Variants in SCIN observed in about 807,000 individuals in gnomAD.
The protein encoded by SCIN is scinderin, also known as adseverin.
Under a neutral mutation model 91.8 loss-of-function variants are expected in SCIN, and 91 were observed. The observed-to-expected ratio is 0.99, with a 90% CI of 0.84 to 1.18. The LOEUF (loss-of-function observed/expected upper bound fraction) is 1.18, where lower values mean the gene tolerates loss of function less well. Ranked by LOEUF, SCIN falls within the 50% of genes most tolerant of loss-of-function variation. SCIN has a pLI of 0.00. For missense variants in SCIN, 1,087 were observed against 863.9 expected, an observed-to-expected ratio of 1.26 and a Z score of -3.24; for synonymous variants, 367 against 312.6, an observed-to-expected ratio of 1.17 and a Z score of -1.84.
chr7:12,626,703 A>T lies in SCIN; in HGVS notation c.1101A>T (p.Gln367His), dbSNP rs764170146. The change falls in exon 8 of 16, where the codon CAA becomes CAT. Residue 367 changes from glutamine (Q) to histidine (H), a missense_variant. Coordinates refer to ENST00000297029, the MANE Select transcript of SCIN (RefSeq NM_001112706.3). ...TTTATGTCACAGAGAAAGTGGCTCA[A>T]ATAAAACAAATTCCCTTTGATGCCT... ...GKVYVTEKVA[Q>H]IKQIPFDASK... 4 of 1,597,520 alleles carry T rather than the reference A, an allele frequency of 2.5e-6. No individual in the cohort carries two copies. The highest frequency in any genetic ancestry group is 1.1e-5 in the South Asian group (1 of 87,998).
At chr7:12,628,779 TC>T (rs1783583609) in intron 8 of SCIN, among the ~76,000 whole-genome samples, 1 of 152,136 alleles carries the variant, frequency 6.6e-6, no homozygotes, top group African/African-American at 2.4e-5. Flanking sequence ...GATATATATT[TC>T]TGAGCTGAAT....
chr7:12,571,630 GAA>G, intron 1 of SCIN: 1 of 454,096 alleles, frequency 2.2e-6, no homozygotes. Flanking sequence ...ATAGAAGTAA[GAA>G]AAAAATACAG....
chr7:12,645,706 C>T (rs959321920), intron 13 of SCIN, among the ~76,000 whole-genome samples: 2 of 152,124 alleles, frequency 1.3e-5, no homozygotes, highest in African/African-American at 2.4e-5. Context: ...CGTGTGTTCT[C>T]ATCATTTAGG....
In SCIN at chr7:12,658,570, A is replaced by G. The variant is rs1203538996; in HGVS notation, c.*5855A>G. On this transcript the variant is annotated 3_prime_UTR_variant, in exon 16 of 16. Coordinates refer to ENST00000297029, the MANE Select transcript of SCIN (RefSeq NM_001112706.3). ...TTTATGGCAGAGTTCAGAGGATACA[A>G]TGAAACAAGAAAGGGAGGCAACTGA... 1 of 152,164 alleles carries G rather than the reference A, an allele frequency of 6.6e-6. No homozygotes were observed. Among genetic ancestry groups the G allele is most frequent in the South Asian group, 2.1e-4 (1 of 4,826 alleles). The allele number at this position is 152,164 out of a possible 1,614,324, so 9.4% of individuals were successfully genotyped here. A position where few individuals can be genotyped will look rare whatever the true frequency, so the allele number is the denominator to read the frequency against.
intron 3 of SCIN, 63 bp downstream of exon 3, chr7:12,581,284 A>G: frequency 1.4e-6 from 2 of 1,473,000 alleles, no homozygotes; most frequent in Non-Finnish European, 1.8e-6. Context: ...ATCAAATCAT[A>G]TGTACATGTC....
intron 13 of SCIN, among the ~76,000 whole-genome samples, chr7:12,645,373 C>T (rs1009170720): frequency 4.6e-5 from 7 of 152,090 alleles, no homozygotes; most frequent in Non-Finnish European, 7.4e-5. Context: ...AACCTAACAA[C>T]GCCGGGAAGG....
chr7:12,612,033 A>G (rs993054716), intron 4 of SCIN, among the ~76,000 whole-genome samples: 3 of 151,664 alleles, frequency 2.0e-5, no homozygotes, highest in African/African-American at 7.3e-5. Flanking sequence ...TTTTCATTCT[A>G]GTCGAAACTC....
Position 12,636,095 on chromosome 7 carries a change from C to G in SCIN, c.1370C>G (p.Thr457Ser). The G allele has an allele frequency of 6.2e-7, 1 of 1,613,214 alleles. No homozygotes were observed. The stretch of plus-strand genomic sequence containing the variant: ...GAGCTGACAACATCTGCGTTCCTGA[C>G]TGTTCAGTTGGATCGGTCCCTTGGA... ...RDELTTSAFL[T>S]VQLDRSLGGQ... The change falls in exon 10 of 16, where the codon ACT (threonine) becomes AGT (serine). Residue 457 changes from threonine to serine, a missense_variant. Coordinates refer to ENST00000297029, the MANE Select transcript of SCIN (RefSeq NM_001112706.3).
At chr7:12,601,776 T>G (rs1782963360) in intron 3 of SCIN, among the ~76,000 whole-genome samples, 2 of 152,238 alleles carry the variant, frequency 1.3e-5, no homozygotes, top group Non-Finnish European at 2.9e-5. Context: ...GAGCCAGAGC[T>G]TGTGTTTTTG....
intron 4 of SCIN, among the ~76,000 whole-genome samples, chr7:12,617,743 G>A (rs1783328398): frequency 6.6e-6 from 1 of 152,082 alleles, no homozygotes; most frequent in Non-Finnish European, 1.5e-5. Flanking sequence ...CACCAAAGCA[G>A]GCCTAGAAGG....
At position 12,625,077 on chromosome 7, in the gene SCIN, T is replaced by G; in HGVS notation, c.827T>G (p.Met276Arg). 1 of 1,603,572 alleles carries G rather than the reference T, an allele frequency of 6.2e-7. No individual in the cohort carries two copies. Among genetic ancestry groups the G allele is most frequent in the East Asian group, 2.2e-5 (1 of 44,562 alleles). ...VAEENPFSMA[M>R]LLSEECFILD... is the part of the protein sequence containing the mutation. ...GAAGAAAACCCCTTCTCAATGGCAATGCTGCTGTCTGAAGAATGCTTTATT... is the reference window on the plus strand; with the variant it reads ...GAAGAAAACCCCTTCTCAATGGCAAGGCTGCTGTCTGAAGAATGCTTTATT... The change falls in exon 6 of 16, where the codon ATG (methionine) becomes AGG (arginine). Residue 276 changes from methionine (M) to arginine (R), a missense_variant. By Grantham distance (91) the Met-to-Arg change is moderately conservative. Coordinates refer to ENST00000297029, the MANE Select transcript of SCIN (RefSeq NM_001112706.3).
intron 4 of SCIN, among the ~76,000 whole-genome samples, chr7:12,619,586 C>T (rs566142919): frequency 6.6e-6 from 1 of 152,170 alleles, no homozygotes; most frequent in South Asian, 2.1e-4. Context: ...GGTCTTGAGA[C>T]AGGTCATGAG....
chr7:12,629,551 T>A (rs1783601152), intron 9 of SCIN, among the ~76,000 whole-genome samples: 1 of 152,114 alleles, frequency 6.6e-6, no homozygotes, highest in Admixed American at 6.6e-5. Flanking sequence ...TCAGGTACCA[T>A]GGTTTCTTAT....
At chr7:12,592,219 G>C (rs529732726) in intron 3 of SCIN, among the ~76,000 whole-genome samples, 1 of 152,036 alleles carries the variant, frequency 6.6e-6, no homozygotes, top group South Asian at 2.1e-4. Context: ...GGGTGGTGTT[G>C]GTAGCGACGA....
intron 1 of SCIN, chr7:12,571,269 C>G (rs912506293): frequency 4.3e-6 from 2 of 468,654 alleles, no homozygotes; most frequent in South Asian, 2.7e-5. Flanking sequence ...CTGGCTTCTT[C>G]CCCTTTCACC....
intron 3 of SCIN, among the ~76,000 whole-genome samples, chr7:12,586,712 A>T (rs544527652): frequency 4.1e-4 from 63 of 152,338 alleles, no homozygotes; most frequent in African/African-American, 1.5e-3. Flanking sequence ...TAAAGAAAAT[A>T]TGGTATACAC....
At chr7:12,600,508 T>C (rs990635321) in intron 3 of SCIN, among the ~76,000 whole-genome samples, 7 of 152,158 alleles carry the variant, frequency 4.6e-5, no homozygotes, top group African/African-American at 1.7e-4. Flanking sequence ...AAATTAAAAA[T>C]TTAAAACAAA....
chr7:12,618,554 A>G (rs951824506), intron 4 of SCIN, among the ~76,000 whole-genome samples: 3 of 152,156 alleles, frequency 2.0e-5, no homozygotes, highest in African/African-American at 7.2e-5. Flanking sequence ...AAATGTTGGA[A>G]TCTTATATCC....
rs1784153132 is a variant in SCIN at position 12,655,708 on chromosome 7, T to C, written c.*2993T>C. The C allele has an allele frequency of 6.6e-6, 1 of 152,184 alleles. No homozygotes were observed. The highest frequency in any genetic ancestry group is 2.4e-5 in the African/African-American group (1 of 41,444). The allele number at this position is 152,184 out of a possible 1,614,324, so 9.4% of individuals were successfully genotyped here. A position where few individuals can be genotyped will look rare whatever the true frequency, so the allele number is the denominator to read the frequency against. On this transcript the variant is annotated 3_prime_UTR_variant, in exon 16 of 16. Coordinates refer to ENST00000297029, the MANE Select transcript of SCIN (RefSeq NM_001112706.3). ...TAGCACAGTATTACTTTTGTAAACA[T>C]ACACAAAAAATATTATATATTTGCC...
Sources: allele counts gnomAD v4.1 joint callset (sites outside exome capture counted in the v4.1 genomes callset), GRCh38; gene constraint gnomAD v4.1.1; transcripts MANE v1.5; gene names NCBI Gene and HGNC (gene_info 2026-07-23, HGNC 2026-07-21).